Variants in ZNF674 observed in about 807,000 individuals in gnomAD.
ZNF674 encodes zinc finger protein 674, also known as zinc finger family member 674.
A neutral mutation model predicts 7.0 loss-of-function variants in ZNF674; 2 were observed. That is an observed-to-expected ratio of 0.29 (90% CI 0.12 to 0.90). ZNF674 has a LOEUF of 0.90. ZNF674 is among the 40% of genes least tolerant of loss of function. The probability of loss-of-function intolerance (pLI) is 0.57; values close to 1 mark genes in which losing one functional copy is unlikely to be tolerated. For missense variants in ZNF674, 297 were observed against 415.5 expected (o/e 0.71, Z 2.48); for synonymous variants, 103 against 145.2 (o/e 0.71, Z 2.09).
At chrX:46,516,282 G>A (rs1261661188) in intron 5 of ZNF674, among the ~76,000 whole-genome samples, 1 of 111,700 alleles carries the variant, frequency 9.0e-6, no homozygotes, top group Non-Finnish European at 1.9e-5. Flanking sequence ...GGAAGACTAC[G>A]GAGGTGAGCC....
At chrX:46,544,652 C>G (rs1286336828) in intron 1 of ZNF674, 41 bp from the exon 2 acceptor site, 1 of 112,393 alleles carries the variant, frequency 8.9e-6, no homozygotes, top group Non-Finnish European at 1.9e-5. Context: ...TTAGCAACAC[C>G]TATGCTCCCT....
At chrX:46,543,899 T>C (rs1942333798) in intron 2 of ZNF674, among the ~76,000 whole-genome samples, 1 of 112,585 alleles carries the variant, frequency 8.9e-6, no homozygotes, top group African/African-American at 3.2e-5. Context: ...AAACTAAAAA[T>C]ATATTTTCTG....
rs185468793 is a variant in ZNF674, at chrX:46,533,768, C to A, written c.16-4859G>T. ...GCAGTGAGCCGAGATCATGCCACTG[C>A]ACTCCAGTCCTCCAGCCTGGGTGAT... On this transcript the variant is annotated intron_variant, in intron 3 of 5. Transcript: ENST00000683375. Among the ~76,000 whole-genome samples, 555 of 92,317 alleles carry A rather than the reference C, an allele frequency of 6.0e-3. 6 individuals are homozygous for A. Among genetic ancestry groups the A allele is most frequent in the South Asian group, 0.024 (41 of 1,681 alleles). 80.2% of individuals were successfully genotyped at this position (92,317 alleles called of 115,157 possible).
Position 46,535,910 on chromosome X carries a change from C to T in ZNF674, c.15+6163G>A, listed in dbSNP as rs143131604. Among the ~76,000 whole-genome samples the T allele has an allele frequency of 1.9e-3, 209 of 112,032 alleles. 4 individuals carry two copies. In the South Asian group the frequency reaches 0.033, roughly 18 times the overall value. ...AAACACAAAAAGATTATAAGCCTCACTAAAAGTCACATATATGCTCATTAA... is the reference window on the plus strand; with the variant it reads ...AAACACAAAAAGATTATAAGCCTCATTAAAAGTCACATATATGCTCATTAA... On this transcript the variant is annotated intron_variant, in intron 3 of 5. Transcript: ENST00000683375.
intron 5 of ZNF674, among the ~76,000 whole-genome samples, chrX:46,526,291 T>A (rs904032489): frequency 9.0e-6 from 1 of 111,683 alleles, no homozygotes. Flanking sequence ...ACTGTTTGGT[T>A]TTTTTTGAGA....
At chrX:46,530,977 G>C in intron 3 of ZNF674, among the ~76,000 whole-genome samples, 1 of 112,759 alleles carries the variant, frequency 8.9e-6, no homozygotes, top group Admixed American at 9.4e-5. Context: ...CAGCACTAAG[G>C]GTGGCTGAGA....
rs755422399 is a variant in ZNF674 at position 46,521,651 on chromosome X, AG to A, written c.238+6698del. On this transcript the variant is annotated intron_variant, in intron 5 of 5. Transcript: ENST00000683375. The stretch of plus-strand genomic sequence containing the variant: ...GTACTTTGGGAGGCCAAGGCGGGGG[AG>A]GGGGGGGAGGTGGATCACCTGAGGC... Among the ~76,000 whole-genome samples the A allele has an allele frequency of 1.9e-4, 11 of 57,845 alleles. No homozygotes were observed. The East Asian group carries it at 2.3e-3, about 12-fold the overall frequency. The allele number at this position is 57,845 out of a possible 115,157, so 50.2% of individuals were successfully genotyped here.
chrX:46,523,835 G>A (rs1280846962), intron 5 of ZNF674, among the ~76,000 whole-genome samples: 1 of 110,974 alleles, frequency 9.0e-6, no homozygotes, highest in Non-Finnish European at 1.9e-5. Flanking sequence ...CTGACATCAG[G>A]AGTCTGAGAC....
chrX:46,509,852 C>T (rs758091459), intron 5 of ZNF674, among the ~76,000 whole-genome samples: 2 of 108,874 alleles, frequency 1.8e-5, no homozygotes, highest in East Asian at 2.9e-4. Context: ...ATGTTTATTG[C>T]GTCATTATTC....
intron 5 of ZNF674, among the ~76,000 whole-genome samples, chrX:46,525,045 G>A (rs1329860602): frequency 2.7e-5 from 3 of 110,059 alleles, no homozygotes; most frequent in African/African-American, 9.9e-5. Context: ...TAAAAATAAA[G>A]GAGAAGAAGT....
At chrX:46,524,522 T>C (rs1941971643) in intron 5 of ZNF674, among the ~76,000 whole-genome samples, 1 of 106,425 alleles carries the variant, frequency 9.4e-6, no homozygotes, top group Admixed American at 1.0e-4. Context: ...AAACCCCGTC[T>C]CTATATATAT....
chrX:46,503,724 G>A (rs957309143), intron 5 of ZNF674, among the ~76,000 whole-genome samples: 1 of 111,684 alleles, frequency 9.0e-6, no homozygotes, highest in African/African-American at 3.3e-5. Flanking sequence ...GATAAAAGAC[G>A]AGAATATTAT....
In ZNF674 at chrX:46,500,165, C is replaced by A; in HGVS notation, c.1409G>T (p.Gly470Val). 1 of 1,211,152 alleles carries A rather than the reference C, an allele frequency of 8.3e-7. No homozygotes were observed. Among genetic ancestry groups the A allele is most frequent in the Non-Finnish European group, 1.1e-6 (1 of 895,208 alleles). The part of the protein sequence containing the change: ...GEKPYKCNEC[G>V]KAFSEKSPLI... Reference sequence around the variant, plus strand: ...TGGTGACTTCTCACTAAAGGCTTTCCCACATTCGTTGCATTTATAGGGTTT... The same window carrying A: ...TGGTGACTTCTCACTAAAGGCTTTCACACATTCGTTGCATTTATAGGGTTT... The change falls in exon 6 of 6, where the codon GGG becomes GTG. Residue 470 changes from glycine (G) to valine (V), a missense_variant. Coordinates refer to ENST00000683375, the MANE Select transcript of ZNF674 (RefSeq NM_001190417.2).
chrX:46,526,941 G>A lies in ZNF674; in HGVS notation c.238+1409C>T, dbSNP rs538656424. 1.3e-4 allele frequency among the ~76,000 whole-genome samples: 15 copies of A among 111,554 alleles called. No homozygotes were observed. The South Asian group carries it at 5.2e-3, about 39-fold the overall frequency. ...AAGAAAAAAAGAAGCCATAATCTGG[G>A]AGTACATACTTAAAGGACTTGCATC... is the stretch of plus-strand genomic sequence containing the variant. On this transcript the variant is annotated intron_variant, in intron 5 of 5. Transcript: ENST00000683375.
At chrX:46,527,062 G>A (rs1178799677) in intron 5 of ZNF674, among the ~76,000 whole-genome samples, 3 of 111,220 alleles carry the variant, frequency 2.7e-5, no homozygotes, top group African/African-American at 9.8e-5. Context: ...AGGTCAGTTC[G>A]AGACCAGCCT....
chrX:46,520,233 C>T (rs1307673321), intron 5 of ZNF674, among the ~76,000 whole-genome samples: 12 of 110,382 alleles, frequency 1.1e-4, no homozygotes, highest in African/African-American at 4.0e-4. Flanking sequence ...GAAACCCCAT[C>T]TCTACTAAAA....
chrX:46,538,283 C>A (rs1942235111), intron 3 of ZNF674, among the ~76,000 whole-genome samples: 1 of 111,335 alleles, frequency 9.0e-6, no homozygotes, highest in Non-Finnish European at 1.9e-5. Flanking sequence ...TTCCACATAA[C>A]TGAAATACCA....
intron 5 of ZNF674, among the ~76,000 whole-genome samples, chrX:46,503,873 C>T (rs967084557): frequency 9.1e-6 from 1 of 110,440 alleles, no homozygotes; most frequent in Non-Finnish European, 1.9e-5. Context: ...CCCGTCTCCA[C>T]AAAAAAATAC....
chrX:46,504,615 T>A (rs1941495126), intron 5 of ZNF674, among the ~76,000 whole-genome samples: 1 of 111,679 alleles, frequency 9.0e-6, no homozygotes, highest in South Asian at 3.7e-4. Flanking sequence ...AGTGCTGGGA[T>A]TACAGGCGTG....
Sources: gnomAD v4.1 joint callset for allele counts (sites outside exome capture counted in the v4.1 genomes callset) on GRCh38, gnomAD v4.1.1 for gene constraint, MANE v1.5 for transcripts, NCBI Gene and HGNC (gene_info 2026-07-23, HGNC 2026-07-21) for gene names.